Variants in ZFPM2 observed in about 807,000 individuals in gnomAD.
ZFPM2 encodes the protein zinc finger protein, FOG family member 2.
ZFPM2 carries 20 observed loss-of-function variants against 98.6 expected under a neutral mutation model. The ratio of observed to expected loss-of-function variants is 0.20; its 90% confidence interval spans 0.14 to 0.29. The LOEUF is 0.29. Ranked by LOEUF, ZFPM2 falls within the 10% of genes least tolerant of loss-of-function variation. The pLI, the probability that ZFPM2 is intolerant of heterozygous loss-of-function variation, is 1.00. For synonymous variants in ZFPM2, 518 were observed against 502.7 expected (o/e 1.03, Z -0.41); for missense variants, 1,310 against 1,388.6 (o/e 0.94, Z 0.90).
chr8:105,550,445 A>T (rs1814824693), intron 3 of ZFPM2, among the ~76,000 whole-genome samples: 1 of 152,296 alleles, frequency 6.6e-6, no homozygotes, highest in Non-Finnish European at 1.5e-5. Context: ...TATCACTACT[A>T]ATTTTGTAAC....
intron 3 of ZFPM2, among the ~76,000 whole-genome samples, chr8:105,534,229 TTCCTCCCTCCC>T (rs1179764191): frequency 3.5e-5 from 2 of 57,466 alleles, no homozygotes; most frequent in South Asian, 1.1e-3. Flanking sequence ...TCTTCCTCCC[TTCCTCCCTCCC>T]TCCTCCCTCC....
At chr8:105,589,630 C>T (rs1296179007) in intron 4 of ZFPM2, among the ~76,000 whole-genome samples, 1 of 152,126 alleles carries the variant, frequency 6.6e-6, no homozygotes, top group Non-Finnish European at 1.5e-5. Context: ...AGGTTTCCCC[C>T]ACAAAACACA....
intron 4 of ZFPM2, among the ~76,000 whole-genome samples, chr8:105,573,304 G>A (rs1287855671): frequency 6.6e-6 from 1 of 152,164 alleles, no homozygotes; most frequent in Non-Finnish European, 1.5e-5. Context: ...CTGAATTCTA[G>A]GGAAGGGAAT....
chr8:105,361,995 T>C (rs1401767120), intron 1 of ZFPM2, among the ~76,000 whole-genome samples: 2 of 152,120 alleles, frequency 1.3e-5, no homozygotes, highest in Non-Finnish European at 2.9e-5. Flanking sequence ...TACATAACAA[T>C]GAAATCACCT....
chr8:105,763,060 CTTT>C (rs1213643643), intron 5 of ZFPM2, among the ~76,000 whole-genome samples: 1 of 139,434 alleles, frequency 7.2e-6, no homozygotes. Context: ...TTATTTCTTT[CTTT>C]TTTTTTTTTT....
At chr8:105,705,449 T>C (rs1325417035) in intron 5 of ZFPM2, among the ~76,000 whole-genome samples, 1 of 152,160 alleles carries the variant, frequency 6.6e-6, no homozygotes, top group African/African-American at 2.4e-5. Flanking sequence ...CAAATTCTCA[T>C]TCTACCTATC....
intron 5 of ZFPM2, among the ~76,000 whole-genome samples, chr8:105,732,625 T>G (rs1424475715): frequency 6.6e-6 from 1 of 151,876 alleles, no homozygotes; most frequent in Non-Finnish European, 1.5e-5. Flanking sequence ...AGCAATTTCA[T>G]TTTTGGAACC....
chr8:105,647,215 G>T (rs560126714), intron 5 of ZFPM2, among the ~76,000 whole-genome samples: 1 of 152,008 alleles, frequency 6.6e-6, no homozygotes, highest in African/African-American at 2.4e-5. Context: ...CCAATATTTT[G>T]TTGACTTCTA....
At chr8:105,488,025 T>C (rs1813269956) in intron 3 of ZFPM2, among the ~76,000 whole-genome samples, 1 of 152,014 alleles carries the variant, frequency 6.6e-6, no homozygotes, top group Non-Finnish European at 1.5e-5. Context: ...AAGCATCCCA[T>C]GTACCTCTGC....
At chr8:105,755,595 A>C (rs75182453) in intron 5 of ZFPM2, among the ~76,000 whole-genome samples, 41 of 152,264 alleles carry the variant, frequency 2.7e-4, no homozygotes, top group African/African-American at 7.7e-4. Context: ...TAGGAAGAAC[A>C]ATTTCAATTA....
intron 5 of ZFPM2, among the ~76,000 whole-genome samples, chr8:105,646,790 G>T (rs1432039209): frequency 6.6e-6 from 1 of 152,058 alleles, no homozygotes; most frequent in Non-Finnish European, 1.5e-5. Flanking sequence ...GGACCTGGTG[G>T]TGCGTTGGGG....
intron 4 of ZFPM2, among the ~76,000 whole-genome samples, chr8:105,617,152 T>C (rs1382350210): frequency 6.8e-6 from 1 of 148,092 alleles, no homozygotes; most frequent in Admixed American, 6.8e-5. Flanking sequence ...CGTCGTTTCC[T>C]CATCATGTTC....
At chr8:105,568,169 T>C (rs1815279326) in intron 4 of ZFPM2, among the ~76,000 whole-genome samples, 1 of 152,110 alleles carries the variant, frequency 6.6e-6, no homozygotes, top group Non-Finnish European at 1.5e-5. Flanking sequence ...AAAAAATCTC[T>C]AACCTTGGCT....
At chr8:105,654,842 A>G (rs1018275258) in intron 5 of ZFPM2, among the ~76,000 whole-genome samples, 1 of 152,188 alleles carries the variant, frequency 6.6e-6, no homozygotes, top group African/African-American at 2.4e-5. Flanking sequence ...ATGGTGTCAG[A>G]TCTGCCTTAT....
At chr8:105,588,719 G>A (rs899428753) in intron 4 of ZFPM2, among the ~76,000 whole-genome samples, 1 of 152,142 alleles carries the variant, frequency 6.6e-6, no homozygotes, top group African/African-American at 2.4e-5. Context: ...CTTCCATTAG[G>A]TATTTGTTTT....
intron 2 of ZFPM2, among the ~76,000 whole-genome samples, chr8:105,438,854 T>C (rs1403581566): frequency 6.6e-6 from 1 of 152,156 alleles, no homozygotes; most frequent in African/African-American, 2.4e-5. Flanking sequence ...TTCTTCATGG[T>C]CAGTCTCTTT....
At chr8:105,663,655 T>C (rs1208458183) in intron 5 of ZFPM2, among the ~76,000 whole-genome samples, 1 of 152,336 alleles carries the variant, frequency 6.6e-6, no homozygotes, top group East Asian at 1.9e-4. Context: ...TCTCATTGAA[T>C]GTATGCGTCA....
At chr8:105,349,199 A>T (rs1586308139) in intron 1 of ZFPM2, among the ~76,000 whole-genome samples, 1 of 152,292 alleles carries the variant, frequency 6.6e-6, no homozygotes, top group South Asian at 2.1e-4. Context: ...AATGAGAATA[A>T]ATCAGTCATG....
At chr8:105,587,293 A>G (rs1815743553) in intron 4 of ZFPM2, among the ~76,000 whole-genome samples, 1 of 151,538 alleles carries the variant, frequency 6.6e-6, no homozygotes, top group Non-Finnish European at 1.5e-5. Context: ...AAAAAAAAAA[A>G]AAAAAGCTTT....
Sources: allele counts gnomAD v4.1 joint callset (sites outside exome capture counted in the v4.1 genomes callset), GRCh38; gene constraint gnomAD v4.1.1; transcripts MANE v1.5; gene names NCBI Gene and HGNC (gene_info 2026-07-23, HGNC 2026-07-21).